UNC13D: variants seen among roughly 807,000 people sequenced by gnomAD.
UNC13D encodes protein unc-13 homolog D.
A neutral mutation model predicts 151.7 loss-of-function variants in UNC13D; 115 were observed. The observed-to-expected ratio is 0.76, with a 90% confidence interval of 0.65 to 0.88. The LOEUF is 0.88. Ranked by LOEUF, UNC13D falls within the 40% of genes least tolerant of loss-of-function variation. The pLI is 0.00. For synonymous variants in UNC13D, 588 were observed against 612.2 expected, an observed-to-expected ratio of 0.96 and a Z score of 0.58; for missense variants, 1,369 against 1,438.7, an observed-to-expected ratio of 0.95 and a Z score of 0.78.
At chr17:75,841,311 AT>A (rs2064947675) in intron 6 of UNC13D, among the ~76,000 whole-genome samples, 1 of 149,872 alleles carries the variant, frequency 6.7e-6, no homozygotes, top group Admixed American at 6.7e-5. Context: ...CACCTGGCTA[AT>A]TTTTGTATTT....
rs2143874512 is a variant in UNC13D, at chr17:75,834,304, CTG to C, written c.2298+19_2298+20del. 10 of 1,592,270 alleles carry C rather than the reference CTG, an allele frequency of 6.3e-6. No homozygotes were observed. The highest frequency in any genetic ancestry group is 4.5e-5 in the East Asian group (2 of 44,510). On this transcript the variant is annotated intron_variant, in intron 23 of 31. Coordinates refer to ENST00000207549, the MANE Select transcript of UNC13D (RefSeq NM_199242.3). The stretch of plus-strand genomic sequence containing the variant: ...CTGAAGACGGGATGGGATGGGGTGA[CTG>C]TGCGGTCGGACAAGGTACCTGCTCG...
At chr17:75,834,035 G>A in intron 24 of UNC13D, 40 bp downstream of exon 24, 1 of 1,611,566 alleles carries the variant, frequency 6.2e-7, no homozygotes, top group Non-Finnish European at 8.5e-7. Context: ...CTACAGAGCT[G>A]GCAGGGTGGT....
chr17:75,835,129 T>C lies in UNC13D; in HGVS notation c.1849-66A>G, dbSNP rs1300660155. The C allele has an allele frequency of 5.6e-6, 9 of 1,594,132 alleles. No homozygotes were observed. The Admixed American group carries it at 1.4e-4, about 25-fold the overall frequency. On this transcript the variant is annotated intron_variant, in intron 20 of 31. Coordinates refer to ENST00000207549, the MANE Select transcript of UNC13D (RefSeq NM_199242.3). ...CCCCCTTCCCTCCTTCCTTCATTCA[T>C]AGAGCAGCTACCATCACCAGGCACA...
At chr17:75,835,569 C>T in intron 19 of UNC13D, 40 bp from the exon 20 acceptor site, 3 of 1,607,538 alleles carry the variant, frequency 1.9e-6, no homozygotes, top group Non-Finnish European at 2.5e-6. Context: ...AGGCTGGGGC[C>T]ACCATGGACC....
Position 75,840,981 on chromosome 17 carries a change from T to C in UNC13D, c.590A>G (p.Asn197Ser). The change falls in exon 7 of 32, where the codon AAT becomes AGT. Residue 197 changes from asparagine (N) to serine (S), a missense_variant. Physicochemically the swap from Asn to Ser is conservative, Grantham distance 46 (BLOSUM62 1). This residue lies in a region of UNC13D where 550 missense variants were observed against 609.0 expected (regional missense o/e 0.90). Transcript: ENST00000207549. The surrounding 1 kb of genome is among the most constrained non-coding windows in gnomAD (Gnocchi z 4.6). ...TFILEFEDIT[N>S]ASFHLDMWDL... ...CCACATGTCCAGATGAAAGCTCGCATTGGTGATGTCCTCAAACTCCCTGTA... is the reference window on the plus strand; with the variant it reads ...CCACATGTCCAGATGAAAGCTCGCACTGGTGATGTCCTCAAACTCCCTGTA... 2 of 1,613,946 alleles carry C rather than the reference T, an allele frequency of 1.2e-6. No individual in the cohort carries two copies. The highest frequency in any genetic ancestry group is 1.1e-5 in the South Asian group (1 of 91,068).
rs867698307 is a variant in UNC13D at position 75,829,752 on chromosome 17, G to A, written c.2954+276C>T. ...AGTACAGGTACCCACCATCATGCCCGGCTAATTTTGTATTTTTAGTAGAGA... is the reference window on the plus strand; with the variant it reads ...AGTACAGGTACCCACCATCATGCCCAGCTAATTTTGTATTTTTAGTAGAGA... On this transcript the variant is annotated intron_variant, in intron 30 of 31. Transcript: ENST00000207549. The A allele has an allele frequency of 1.4e-4, 56 of 406,206 alleles. No individual in the cohort carries two copies. The Middle Eastern group carries it at 5.5e-3, about 40-fold the overall frequency. 25.2% of individuals were successfully genotyped at this position (406,206 alleles called of 1,614,324 possible). A position where few individuals can be genotyped will look rare whatever the true frequency, so the allele number is the denominator to read the frequency against.
At position 75,827,833 on chromosome 17, in the gene UNC13D, C is replaced by A; in HGVS notation, c.*132G>T. 6.6e-7 allele frequency: 1 copy of A among 1,506,974 alleles called. No individual in the cohort carries two copies. Among genetic ancestry groups the A allele is most frequent in the South Asian group, 1.2e-5 (1 of 80,342 alleles). 93.4% of individuals were successfully genotyped at this position (1,506,974 alleles called of 1,614,324 possible). ...GCAGGGGAGGTCTGCACTCTGGGCACTCCGCATGCTGGGGCTCCCCAAGTG... is the reference window on the plus strand; with the variant it reads ...GCAGGGGAGGTCTGCACTCTGGGCAATCCGCATGCTGGGGCTCCCCAAGTG... On this transcript the variant is annotated 3_prime_UTR_variant, in exon 32 of 32. Transcript: ENST00000207549.
chr17:75,834,154 A>G lies in UNC13D; in HGVS notation c.2299-11T>C. On this transcript the variant is annotated splice_polypyrimidine_tract_variant and intron_variant, in intron 23 of 31. Transcript: ENST00000207549. ...GATGCCCACCTCCAACTGGAGACAC[A>G]AAACGGAAGAAGGAGGGAGGTCAGG... 1 of 1,613,604 alleles carries G rather than the reference A, an allele frequency of 6.2e-7. No homozygotes were observed. The highest frequency in any genetic ancestry group is 1.7e-5 in the Admixed American group (1 of 60,012).
chr17:75,835,077 G>T lies in UNC13D; in HGVS notation c.1849-14C>A, dbSNP rs757788792. On this transcript the variant is annotated splice_polypyrimidine_tract_variant and intron_variant, in intron 20 of 31. Transcript: ENST00000207549. ...CAGGGGCACCAGCTGGGGGAAGAAA[G>T]GAGGACTCAGGATACTGCCAAATCC... 1 of 1,613,510 alleles carries T rather than the reference G, an allele frequency of 6.2e-7. No individual in the cohort carries two copies. The highest frequency in any genetic ancestry group is 8.5e-7 in the Non-Finnish European group (1 of 1,179,970).
rs769409657 is a variant in UNC13D at position 75,839,882 on chromosome 17, G to A, written c.1012C>T (p.His338Tyr). ...TCGGATAGGTCCTTCTGTGTGGCGT[G>A]CAGAAAGAGGACGGTGGCAGCCTGG... ...SPQAATVLFLHATQKDLSDFH... is the reference protein window; with the variant it reads ...SPQAATVLFLYATQKDLSDFH... Residue 338 changes from histidine to tyrosine, a missense_variant, in exon 12 of 32, where the codon CAC becomes TAC. His to Tyr is a moderately conservative substitution (Grantham distance 83). Coordinates refer to ENST00000207549, the MANE Select transcript of UNC13D (RefSeq NM_199242.3). 1.6e-5 allele frequency: 26 copies of A among 1,613,954 alleles called. No homozygotes were observed. The highest frequency in any genetic ancestry group is 2.2e-5 in the Non-Finnish European group (26 of 1,180,016).
intron 23 of UNC13D, 73 bp from the exon 24 acceptor site, chr17:75,834,216 A>C: frequency 6.3e-7 from 1 of 1,598,936 alleles, no homozygotes; most frequent in Non-Finnish European, 8.5e-7. Context: ...TTAGGGCCTG[A>C]GTTTAGACGC....
rs1385173222 is a variant in UNC13D, at chr17:75,834,379, C to T, written c.2244G>A (p.Ala748=). 15 of 1,592,404 alleles carry T rather than the reference C, an allele frequency of 9.4e-6. No homozygotes were observed. The South Asian group carries it at 1.2e-4, about 13-fold the overall frequency. The part of the protein sequence containing the change: ...QNTLHAQLQS[A]LAGLGHEIRT... ...GGATCTCATGGCCCAGCCCGGCCAG[C>T]GCGCTCTGCAGCTGGGCATGCAGCG... The change falls in exon 23 of 32, where the codon GCG becomes GCA. Residue 748 remains alanine, a synonymous_variant. Coordinates refer to ENST00000207549, the MANE Select transcript of UNC13D (RefSeq NM_199242.3).
chr17:75,835,695 T>C lies in UNC13D; in HGVS notation c.1679A>G (p.Tyr560Cys), dbSNP rs768964308. The C allele has an allele frequency of 6.2e-7, 1 of 1,613,534 alleles. No homozygotes were observed. The highest frequency in any genetic ancestry group is 8.5e-7 in the Non-Finnish European group (1 of 1,180,030). ...PEMGESLFQL[Y>C]ISLKELCQLR... ...CTGGCAGAGCTCCTTGAGGCTGATG[T>C]AGAGCTGGAACAGACTCTCGCCCAT... Residue 560 changes from tyrosine to cysteine, a missense_variant, in exon 19 of 32, where the codon TAC (tyrosine) becomes TGC (cysteine). By Grantham distance (194) the Tyr-to-Cys change is radical. Transcript: ENST00000207549.
chr17:75,836,138 G>A, intron 16 of UNC13D, 29 bp from the exon 17 acceptor site: 1 of 1,612,528 alleles, frequency 6.2e-7, no homozygotes, highest in African/African-American at 1.3e-5. Flanking sequence ...GCTGGGCAGG[G>A]CTGCCAGAGG....
In UNC13D at chr17:75,835,222, A is replaced by G. The variant is rs567189313; in HGVS notation, c.1849-159T>C. The G allele has an allele frequency of 1.1e-5, 16 of 1,404,900 alleles. No homozygotes were observed. In the South Asian group the frequency reaches 2.1e-4, roughly 18 times the overall value. The allele number at this position is 1,404,900 out of a possible 1,614,324, so 87.0% of individuals were successfully genotyped here. Reference sequence around the variant, plus strand: ...CCAGACCCCCAGGCTGCAGGATCTCAGGCAAAGTGAAGCCACAGCCCCAAG... The same window carrying G: ...CCAGACCCCCAGGCTGCAGGATCTCGGGCAAAGTGAAGCCACAGCCCCAAG... On this transcript the variant is annotated intron_variant, in intron 20 of 31. Transcript: ENST00000207549.
chr17:75,833,250 C>T lies in UNC13D; in HGVS notation c.2368-205G>A. ...GTCCCAGCCACACTGGCCTCCTCTA[C>T]AGCCCTGGAACCTTCCAGGCATGGT... is the stretch of plus-strand genomic sequence containing the variant. On this transcript the variant is annotated intron_variant, in intron 24 of 31. Transcript: ENST00000207549. The surrounding 1 kb of genome is among the most constrained non-coding windows in gnomAD (Gnocchi z 4.0). The T allele has an allele frequency of 3.7e-6, 2 of 534,156 alleles. No individual in the cohort carries two copies. The highest frequency in any genetic ancestry group is 3.5e-6 in the Non-Finnish European group (1 of 286,478). The allele number at this position is 534,156 out of a possible 1,614,324, so 33.1% of individuals were successfully genotyped here.
At chr17:75,829,348 T>C (rs556864808) in intron 30 of UNC13D, among the ~76,000 whole-genome samples, 10 of 152,146 alleles carry the variant, frequency 6.6e-5, no homozygotes, top group Non-Finnish European at 8.8e-5. Context: ...TAGGCTGGAG[T>C]GCAGTGGCGC....
In UNC13D at chr17:75,828,906, GC is replaced by G; in HGVS notation, c.3031del (p.Ala1011ProfsTer18). 1 of 1,607,190 alleles carries G rather than the reference GC, an allele frequency of 6.2e-7. No individual in the cohort carries two copies. On this transcript the variant is annotated frameshift_variant, in exon 31 of 32. Coordinates refer to ENST00000207549, the MANE Select transcript of UNC13D (RefSeq NM_199242.3). LOFTEE classifies it high-confidence loss of function. ...LTVLDYDTLG[A>X]DDLEGEAFLP... The stretch of plus-strand genomic sequence containing the variant: ...GAAGGCCTCGCCTTCCAGGTCGTCG[GC>G]CCCCAGCGTGTCGTAGTCCAGCACG...
Position 75,827,527 on chromosome 17 carries a change from C to T in UNC13D, c.*438G>A, listed in dbSNP as rs568492085. Reference sequence around the variant, plus strand: ...GCTGGAGCCTCATCTTTGGCAGGGTCCCCTCTCCCTTTTCCAGGAGACTCT... The same window carrying T: ...GCTGGAGCCTCATCTTTGGCAGGGTTCCCTCTCCCTTTTCCAGGAGACTCT... On this transcript the variant is annotated 3_prime_UTR_variant, in exon 32 of 32. Transcript: ENST00000207549. The T allele has an allele frequency of 6.6e-5, 101 of 1,532,406 alleles. No individual in the cohort carries two copies. The East Asian group carries it at 1.5e-3, about 23-fold the overall frequency. 94.9% of individuals were successfully genotyped at this position (1,532,406 alleles called of 1,614,324 possible).
Sources: gnomAD v4.1 joint callset for allele counts (sites outside exome capture counted in the v4.1 genomes callset) on GRCh38, gnomAD v4.1.1 for gene constraint, gnomAD v4.1.1 regional missense constraint, Gnocchi (gnomAD v3.1) non-coding constraint, MANE v1.5 for transcripts, NCBI Gene and HGNC (gene_info 2026-07-23, HGNC 2026-07-21) for gene names.